Variants in FKBP15 observed in about 807,000 individuals in gnomAD.
FKBP15 encodes FK506-binding protein 15.
FKBP15 carries 106 observed loss-of-function variants against 158.1 expected under a neutral mutation model. The ratio of observed to expected loss-of-function variants is 0.67; its 90% CI spans 0.57 to 0.79. The LOEUF is 0.79. Ranked by LOEUF, FKBP15 falls within the 30% of genes least tolerant of loss-of-function variation. The pLI is 0.00. For synonymous variants in FKBP15, 547 were observed against 548.6 expected, an observed-to-expected ratio of 1.00 and a Z score of 0.04; for missense variants, 1,287 against 1,479.1, an observed-to-expected ratio of 0.87 and a Z score of 2.13.
intron 1 of FKBP15, among the ~76,000 whole-genome samples, chr9:113,217,242 T>C (rs549940370): frequency 8.5e-5 from 12 of 141,806 alleles, no homozygotes; most frequent in African/African-American, 3.2e-4. Context: ...AGACGGAGTC[T>C]TGCTTTGTCA....
At chr9:113,211,795 T>G (rs1002181375) in intron 1 of FKBP15, among the ~76,000 whole-genome samples, 8 of 152,026 alleles carry the variant, frequency 5.3e-5, no homozygotes, top group African/African-American at 1.9e-4. Context: ...GCAAAGTGTC[T>G]TTGAAATCAA....
intron 9 of FKBP15, 145 bp downstream of exon 9, chr9:113,196,787 T>G: frequency 1.0e-6 from 1 of 985,678 alleles, no homozygotes; most frequent in Non-Finnish European, 1.5e-6. Context: ...TTGCTATTTC[T>G]GACTACTCCA....
chr9:113,173,804 G>A (rs1420656854), intron 22 of FKBP15, among the ~76,000 whole-genome samples, 199 bp from the exon 23 acceptor site: 1 of 152,066 alleles, frequency 6.6e-6, no homozygotes, highest in Non-Finnish European at 1.5e-5. Flanking sequence ...ACTCCAAAAG[G>A]TACTCCAAGC....
chr9:113,212,274 C>T lies in FKBP15; in HGVS notation c.54-682G>A, dbSNP rs747337764. On this transcript the variant is annotated intron_variant, in intron 1 of 27. Coordinates refer to ENST00000238256, the MANE Select transcript of FKBP15 (RefSeq NM_015258.2). ...TGTGATCCCGGCTCACTGCAACCTC[C>T]GCTTCCCAGGTTCAAGTGATTCTCC... Among the ~76,000 whole-genome samples, 30 of 152,068 alleles carry T rather than the reference C, an allele frequency of 2.0e-4. No individual in the cohort carries two copies. The East Asian group carries it at 3.1e-3, about 16-fold the overall frequency.
intron 1 of FKBP15, among the ~76,000 whole-genome samples, chr9:113,215,618 G>GTGTGTGTAT (rs140568757): frequency 8.7e-6 from 1 of 115,032 alleles, no homozygotes; most frequent in Admixed American, 9.5e-5. Flanking sequence ...GTGTGTGTGT[G>GTGTGTGTAT]TGTGTGTATA....
In FKBP15 at chr9:113,163,864, T is replaced by G. The variant is rs1274205593; in HGVS notation, c.*2214A>C. 6.5e-6 allele frequency: 1 copy of G among 152,676 alleles called. No individual in the cohort carries two copies. Among genetic ancestry groups the G allele is most frequent in the Non-Finnish European group, 1.5e-5 (1 of 68,044 alleles). 9.5% of individuals were successfully genotyped at this position (152,676 alleles called of 1,614,324 possible). On this transcript the variant is annotated 3_prime_UTR_variant, in exon 28 of 28. Coordinates refer to ENST00000238256, the MANE Select transcript of FKBP15 (RefSeq NM_015258.2). ...CTATTTATTACTTACTGCTTACTCGTAATGATCTAGTGGGGAAACATGATT... is the reference window on the plus strand; with the variant it reads ...CTATTTATTACTTACTGCTTACTCGGAATGATCTAGTGGGGAAACATGATT...
Position 113,184,313 on chromosome 9 carries a change from G to A in FKBP15, c.1695C>T (p.Ser565=). Residue 565 remains serine, a synonymous_variant, in exon 17 of 28, where the codon AGC becomes AGT. Coordinates refer to ENST00000238256, the MANE Select transcript of FKBP15 (RefSeq NM_015258.2). This position sits in a 1 kb window ranked among gnomAD's most constrained non-coding sequence, Gnocchi z 4.5. ...TCACCTGAATGATTCGCTGGATGTT[G>A]CTCATAATCATGCTTGTTTCCATTG... ...SVTMETSMIM[S]NIQRIIQENE... 1 of 1,601,224 alleles carries A rather than the reference G, an allele frequency of 6.2e-7. No homozygotes were observed. Among genetic ancestry groups the A allele is most frequent in the East Asian group, 2.2e-5 (1 of 44,642 alleles).
intron 19 of FKBP15, among the ~76,000 whole-genome samples, chr9:113,179,034 A>T (rs9697184): frequency 0.6 from 89,434 of 149,908 alleles, 27,113 homozygotes; most frequent in East Asian, 0.86. Flanking sequence ...TATACTTAAA[A>T]TTTTTTTTTT....
Position 113,198,745 on chromosome 9 carries a change from T to G in FKBP15, c.717+110A>C, listed in dbSNP as rs1036205140. ...CCAGCTTGAACAACAAGAGCGAAAC[T>G]CCGTCTCAAAAAATAAAAATAAAAT... is the stretch of plus-strand genomic sequence containing the variant. On this transcript the variant is annotated intron_variant, in intron 8 of 27. Transcript: ENST00000238256. This position sits in a 1 kb window ranked among gnomAD's most constrained non-coding sequence, Gnocchi z 5.2. 1.1e-5 allele frequency: 9 copies of G among 818,430 alleles called. No homozygotes were observed. Among genetic ancestry groups the G allele is most frequent in the Admixed American group, 6.1e-5 (2 of 33,026 alleles). 50.7% of individuals were successfully genotyped at this position (818,430 alleles called of 1,614,324 possible).
At chr9:113,182,700 G>A in intron 19 of FKBP15, 66 bp downstream of exon 19, 1 of 1,294,104 alleles carries the variant, frequency 7.7e-7, no homozygotes, top group Non-Finnish European at 1.1e-6. Flanking sequence ...TGGTGAGTAT[G>A]TACATGGGAC....
chr9:113,186,503 G>C (rs1443787317), intron 14 of FKBP15, 140 bp from the exon 15 acceptor site: 1 of 653,146 alleles, frequency 1.5e-6, no homozygotes, highest in East Asian at 2.7e-5. Context: ...TGAGATCTGG[G>C]TTTGGCAGTT....
At position 113,221,182 on chromosome 9, in the gene FKBP15, G is replaced by A. The variant is rs1831248187; in HGVS notation, c.53+9C>T. On this transcript the variant is annotated intron_variant, in intron 1 of 27. Coordinates refer to ENST00000238256, the MANE Select transcript of FKBP15 (RefSeq NM_015258.2). Reference sequence around the variant, plus strand: ...CACGCCCTCCAGCGCATACTTCTCAGTCACTCACCCGCCGCTCGGCGAGAG... The same window carrying A: ...CACGCCCTCCAGCGCATACTTCTCAATCACTCACCCGCCGCTCGGCGAGAG... 2 of 1,604,080 alleles carry A rather than the reference G, an allele frequency of 1.2e-6. No homozygotes were observed. Among genetic ancestry groups the A allele is most frequent in the African/African-American group, 1.3e-5 (1 of 74,642 alleles).
At chr9:113,181,220 A>T (rs1830389892) in intron 19 of FKBP15, among the ~76,000 whole-genome samples, 1 of 152,204 alleles carries the variant, frequency 6.6e-6, no homozygotes, top group Non-Finnish European at 1.5e-5. Context: ...TTATAAATAG[A>T]GCATCTACTG....
At position 113,178,674 on chromosome 9, in the gene FKBP15, T is replaced by C. The variant is rs1304658517; in HGVS notation, c.2042A>G (p.Asp681Gly). The C allele has an allele frequency of 1.2e-6, 2 of 1,610,236 alleles. No homozygotes were observed. Among genetic ancestry groups the C allele is most frequent in the Non-Finnish European group, 1.7e-6 (2 of 1,178,490 alleles). The change falls in exon 20 of 28, where the codon GAT (aspartate) becomes GGT (glycine). Residue 681 changes from aspartate to glycine, a missense_variant. Physicochemically the swap from Asp to Gly is moderately conservative, Grantham distance 94. Transcript: ENST00000238256. Reference sequence around the variant, plus strand: ...TTTGGTGAGCTGGCCCCTGAGAAGATCTGTCTCCTTCAGGCTTTCTGTCAG... The same window carrying C: ...TTTGGTGAGCTGGCCCCTGAGAAGACCTGTCTCCTTCAGGCTTTCTGTCAG... ...MQLTESLKET[D>G]LLRGQLTKVQ... is the part of the protein sequence containing the mutation.
chr9:113,202,661 C>A, intron 5 of FKBP15, 32 bp from the exon 6 acceptor site: 1 of 1,507,494 alleles, frequency 6.6e-7, no homozygotes, highest in Non-Finnish European at 9.0e-7. Flanking sequence ...AATTCATCCA[C>A]AAGCAGTATT....
At chr9:113,175,312 G>GTA (rs1179329395) in intron 21 of FKBP15, among the ~76,000 whole-genome samples, 4 of 152,084 alleles carry the variant, frequency 2.6e-5, no homozygotes, top group African/African-American at 9.7e-5. Context: ...GGTCACTGTA[G>GTA]TAGTATCTAT....
chr9:113,211,821 T>C (rs1831012351), intron 1 of FKBP15, among the ~76,000 whole-genome samples: 1 of 152,180 alleles, frequency 6.6e-6, no homozygotes. Flanking sequence ...TGTATGTGAT[T>C]TGAACATCAT....
intron 4 of FKBP15, among the ~76,000 whole-genome samples, chr9:113,203,611 A>T (rs7865445): frequency 0.23 from 34,523 of 150,326 alleles, 4,682 homozygotes; most frequent in African/African-American, 0.36. Flanking sequence ...CACTGCAACC[A>T]CTGCCTCCCG....
chr9:113,196,717 T>A (rs1393662695), intron 9 of FKBP15, among the ~76,000 whole-genome samples: 1 of 152,182 alleles, frequency 6.6e-6, no homozygotes, highest in Non-Finnish European at 1.5e-5. Context: ...CAACCACTTC[T>A]AGACTCTGAA....
Sources: allele counts gnomAD v4.1 joint callset (sites outside exome capture counted in the v4.1 genomes callset), GRCh38; gene constraint gnomAD v4.1.1; non-coding constraint Gnocchi (gnomAD v3.1); transcripts MANE v1.5; gene names NCBI Gene and HGNC (gene_info 2026-07-23, HGNC 2026-07-21).